CTNNA2: variants seen among roughly 807,000 people sequenced by gnomAD.
The protein encoded by CTNNA2 is catenin alpha 2.
Under a neutral mutation model 101.0 loss-of-function variants are expected in CTNNA2, and 42 were observed. That is an observed-to-expected ratio of 0.42 (90% CI 0.32 to 0.54). The LOEUF (loss-of-function observed/expected upper bound fraction) is 0.54, where lower values mean the gene tolerates loss of function less well. Among genes scored for constraint, CTNNA2 ranks in the 20% least tolerant of loss-of-function variants. The pLI, the probability that CTNNA2 is intolerant of heterozygous loss-of-function variation, is 0.14. For missense variants in CTNNA2, 871 were observed against 1,223.1 expected (o/e 0.71, Z 4.29); for synonymous variants, 450 against 456.4 (o/e 0.99, Z 0.18).
intron 7 of CTNNA2, among the ~76,000 whole-genome samples, chr2:80,366,393 G>T (rs1444462394): frequency 2.6e-5 from 4 of 152,122 alleles, no homozygotes; most frequent in African/African-American, 4.8e-5. Flanking sequence ...TTTTCTTAAA[G>T]GTGCACTGTG....
At chr2:80,119,367 G>A (rs1055990453) in intron 7 of CTNNA2, among the ~76,000 whole-genome samples, 3 of 152,174 alleles carry the variant, frequency 2.0e-5, no homozygotes, top group African/African-American at 7.2e-5. Flanking sequence ...GAGGGACAGG[G>A]ATTGGGGAGA....
intron 3 of CTNNA2, among the ~76,000 whole-genome samples, chr2:79,753,861 TTCTC>T (rs77763161): frequency 2.1e-5 from 3 of 141,886 alleles, no homozygotes; most frequent in Admixed American, 6.8e-5. Context: ...TCTTTTCTTT[TTCTC>T]TCTTTTTTTT....
intron 7 of CTNNA2, among the ~76,000 whole-genome samples, chr2:79,953,827 C>T (rs576417014): frequency 2.4e-4 from 36 of 152,082 alleles, no homozygotes; most frequent in Non-Finnish European, 4.1e-4. Flanking sequence ...TTTCATTTTT[C>T]ATTTCTAGCT....
At chr2:80,037,694 G>T (rs1432686912) in intron 7 of CTNNA2, among the ~76,000 whole-genome samples, 1 of 152,046 alleles carries the variant, frequency 6.6e-6, no homozygotes, top group Non-Finnish European at 1.5e-5. Context: ...ACAAAAATGG[G>T]CAATAGCAAT....
intron 4 of CTNNA2, among the ~76,000 whole-genome samples, chr2:79,414,516 A>G (rs182661014): frequency 1.3e-5 from 2 of 152,232 alleles, no homozygotes; most frequent in East Asian, 3.9e-4. Context: ...ATAAAATTCT[A>G]TAGTATAGAA....
chr2:80,524,708 C>A (rs1187133970), intron 9 of CTNNA2, among the ~76,000 whole-genome samples: 1 of 152,172 alleles, frequency 6.6e-6, no homozygotes, highest in African/African-American at 2.4e-5. Flanking sequence ...ATCTTAGGGT[C>A]TGCCTTGTTG....
chr2:79,774,864 A>G (rs906253908), intron 3 of CTNNA2, among the ~76,000 whole-genome samples: 15 of 152,210 alleles, frequency 9.9e-5, no homozygotes, highest in African/African-American at 3.4e-4. Context: ...CCTTAGTGGC[A>G]TAGAGAAACC....
chr2:79,736,144 C>T (rs1670860037), intron 2 of CTNNA2, among the ~76,000 whole-genome samples: 2 of 152,126 alleles, frequency 1.3e-5, no homozygotes, highest in Admixed American at 6.5e-5. Context: ...CCTCCCTTTG[C>T]GTCAGAATTT....
At chr2:80,319,314 T>TG (rs1678451877) in intron 7 of CTNNA2, among the ~76,000 whole-genome samples, 1 of 152,134 alleles carries the variant, frequency 6.6e-6, no homozygotes, top group African/African-American at 2.4e-5. Context: ...CCAGTTTTTT[T>TG]TTGTTGTTGT....
chr2:79,575,801 T>C (rs1013211557), intron 1 of CTNNA2, among the ~76,000 whole-genome samples: 1 of 152,230 alleles, frequency 6.6e-6, no homozygotes, highest in Non-Finnish European at 1.5e-5. Flanking sequence ...CCTGCTTGGA[T>C]TGAAGTACAA....
chr2:79,397,268 T>G (rs1330674751), intron 4 of CTNNA2, among the ~76,000 whole-genome samples: 2 of 152,186 alleles, frequency 1.3e-5, no homozygotes, highest in Admixed American at 6.6e-5. Context: ...CAAAAAATTA[T>G]CATTAACTAT....
chr2:79,657,103 A>C (rs73938766), intron 2 of CTNNA2, among the ~76,000 whole-genome samples: 1 of 151,970 alleles, frequency 6.6e-6, no homozygotes, highest in Admixed American at 6.5e-5. Flanking sequence ...AACAAGGAAA[A>C]CTGGAATCAC....
chr2:79,712,720 A>G (rs1293759251), intron 2 of CTNNA2, among the ~76,000 whole-genome samples: 2 of 152,212 alleles, frequency 1.3e-5, no homozygotes, highest in African/African-American at 4.8e-5. Flanking sequence ...TGGCATAGGT[A>G]TATTAATAAT....
intron 7 of CTNNA2, among the ~76,000 whole-genome samples, chr2:80,355,607 T>C (rs1673707719): frequency 6.6e-6 from 1 of 152,202 alleles, no homozygotes; most frequent in African/African-American, 2.4e-5. Context: ...GACACAGTCC[T>C]GGCTGATATT....
intron 5 of CTNNA2, among the ~76,000 whole-genome samples, chr2:79,506,338 C>G (rs1671413650): frequency 6.6e-6 from 1 of 151,456 alleles, no homozygotes; most frequent in Non-Finnish European, 1.5e-5. Context: ...AAAGGAATTT[C>G]TTCAACCACG....
intron 4 of CTNNA2, among the ~76,000 whole-genome samples, chr2:79,443,003 C>A (rs562457349): frequency 6.6e-6 from 1 of 152,198 alleles, no homozygotes; most frequent in African/African-American, 2.4e-5. Flanking sequence ...GAGGCTTTAA[C>A]AATTTCTGGT....
At chr2:80,500,536 T>C (rs976284169) in intron 9 of CTNNA2, among the ~76,000 whole-genome samples, 2 of 152,230 alleles carry the variant, frequency 1.3e-5, no homozygotes, top group African/African-American at 2.4e-5. Context: ...CTTTACATAA[T>C]ACCTCAATGA....
At chr2:80,390,295 A>T (rs1416411955) in intron 7 of CTNNA2, among the ~76,000 whole-genome samples, 1 of 152,184 alleles carries the variant, frequency 6.6e-6, no homozygotes, top group African/African-American at 2.4e-5. Flanking sequence ...CTTTCTGCAC[A>T]GTTTTTGGTA....
chr2:80,545,939 G>A lies in CTNNA2; in HGVS notation c.1416G>A (p.Arg472=). 1 of 1,614,004 alleles carries A rather than the reference G, an allele frequency of 6.2e-7. No individual in the cohort carries two copies. The highest frequency in any genetic ancestry group is 1.7e-5 in the Admixed American group (1 of 60,010). Residue 472 remains arginine, a synonymous_variant, in exon 11 of 19, where the codon CGG becomes CGA. Transcript: ENST00000402739. ...VINAALTLAA[R]PQSKVAQDNM... is the part of the protein sequence containing the mutation. ...ATGCCGCTCTGACACTGGCTGCCCG[G>A]CCACAGAGCAAAGTTGCTCAGGATA... is the stretch of plus-strand genomic sequence containing the variant.
Sources: gnomAD v4.1 joint callset for allele counts (sites outside exome capture counted in the v4.1 genomes callset) on GRCh38, gnomAD v4.1.1 for gene constraint, MANE v1.5 for transcripts, NCBI Gene and HGNC (gene_info 2026-07-23, HGNC 2026-07-21) for gene names.